The following GRHL1 variants were observed in gnomAD, a reference collection of about 807,000 sequenced individuals.
The protein encoded by GRHL1 is grainyhead-like protein 1 homolog.
GRHL1 carries 38 observed loss-of-function variants against 75.7 expected under a neutral mutation model. That is an observed-to-expected ratio of 0.50 (90% CI 0.39 to 0.66). The LOEUF (loss-of-function observed/expected upper bound fraction) is 0.66, where lower values mean the gene tolerates loss of function less well. GRHL1 is among the 30% of genes least tolerant of loss of function. The pLI, the probability that GRHL1 is intolerant of heterozygous loss-of-function variation, is 0.00. For missense variants in GRHL1, 589 were observed against 767.5 expected (o/e 0.77, Z 2.75); for synonymous variants, 266 against 279.4 (o/e 0.95, Z 0.48).
chr2:9,999,198 C>T (rs1669159418), intron 15 of GRHL1, among the ~76,000 whole-genome samples, 169 bp downstream of exon 15: 2 of 152,258 alleles, frequency 1.3e-5, no homozygotes, highest in African/African-American at 4.8e-5. Flanking sequence ...CAGTGTGACA[C>T]GTGTGCATCG....
At chr2:9,999,118 C>G in intron 15 of GRHL1, 89 bp downstream of exon 15, 1 of 473,582 alleles carries the variant, frequency 2.1e-6, no homozygotes, top group Non-Finnish European at 3.8e-6. Flanking sequence ...CTGTTGACAC[C>G]CCCCAGCACC....
In GRHL1 at chr2:9,963,990, T is replaced by A; in HGVS notation, c.851T>A (p.Leu284Ter). 6.2e-7 allele frequency: 1 copy of A among 1,612,526 alleles called. No homozygotes were observed. Among genetic ancestry groups the A allele is most frequent in the Non-Finnish European group, 8.5e-7 (1 of 1,178,608 alleles). ...LNKGQFYPIT[L>*]KEVSSSEGIH... ...AAAGGCCAGTTCTATCCCATCACCT[T>A]GAAGGAGGTGAGCAGCAGTGAAGGA... is the stretch of plus-strand genomic sequence containing the variant. The change falls in exon 6 of 16, where the codon TTG (leucine) becomes TAG (stop). Residue 284 changes from leucine to a stop codon, truncating the protein, a stop_gained. Coordinates refer to ENST00000324907, the MANE Select transcript of GRHL1 (RefSeq NM_198182.3). LOFTEE classifies it high-confidence loss of function.
chr2:9,954,313 C>A (rs3828260), intron 1 of GRHL1, among the ~76,000 whole-genome samples: 18,869 of 152,116 alleles, frequency 0.12, 1,762 homozygotes, highest in Admixed American at 0.26. Context: ...GATTTACAGT[C>A]CCCTTTGGCC....
At chr2:9,999,729 G>C (rs1230102041) in intron 15 of GRHL1, among the ~76,000 whole-genome samples, 1 of 152,234 alleles carries the variant, frequency 6.6e-6, no homozygotes, top group Non-Finnish European at 1.5e-5. Flanking sequence ...GTTTGGCATG[G>C]ATAAGCAGTG....
In GRHL1 at chr2:9,992,528, T is replaced by C. The variant is rs1309844382; in HGVS notation, c.1461+382T>C. Among the ~76,000 whole-genome samples, 2 of 152,196 alleles carry C rather than the reference T, an allele frequency of 1.3e-5. No homozygotes were observed. The highest frequency in any genetic ancestry group is 6.5e-5 in the Admixed American group (1 of 15,278). ...AAGGAGCTCTTATAACATAAGAACA[T>C]CCGAAGGCTTTTCTCACAGTTCCAG... is the stretch of plus-strand genomic sequence containing the variant. On this transcript the variant is annotated intron_variant, in intron 11 of 15. Coordinates refer to ENST00000324907, the MANE Select transcript of GRHL1 (RefSeq NM_198182.3). The surrounding 1 kb of genome is among the most constrained non-coding windows in gnomAD (Gnocchi z 4.6).
At chr2:9,980,704 A>G (rs1668161341) in intron 8 of GRHL1, among the ~76,000 whole-genome samples, 1 of 152,230 alleles carries the variant, frequency 6.6e-6, no homozygotes, top group South Asian at 2.1e-4. Context: ...AGAAAAGGTC[A>G]TCTTTTGAAT....
Position 9,992,916 on chromosome 2 carries a change from AGTGCT to A in GRHL1, c.1462-289_1462-285del, listed in dbSNP as rs918628441. Among the ~76,000 whole-genome samples the A allele has an allele frequency of 1.3e-5, 2 of 152,204 alleles. No individual in the cohort carries two copies. Among genetic ancestry groups the A allele is most frequent in the African/African-American group, 2.4e-5 (1 of 41,458 alleles). On this transcript the variant is annotated intron_variant, in intron 11 of 15. Coordinates refer to ENST00000324907, the MANE Select transcript of GRHL1 (RefSeq NM_198182.3). This position sits in a 1 kb window ranked among gnomAD's most constrained non-coding sequence, Gnocchi z 4.6. The stretch of plus-strand genomic sequence containing the variant: ...CCCCGTGGTCTCCACTGTGCTGCTC[AGTGCT>A]GCCGAACTAGTGCACACATGGCCAT...
intron 8 of GRHL1, among the ~76,000 whole-genome samples, chr2:9,985,048 A>G (rs1186688314): frequency 6.7e-6 from 1 of 150,100 alleles, no homozygotes; most frequent in Admixed American, 6.6e-5. Flanking sequence ...AGCCTGGGTG[A>G]CAGAGCCAGA....
At chr2:9,975,130 C>G (rs3791763) in intron 8 of GRHL1, among the ~76,000 whole-genome samples, 28,499 of 152,198 alleles carry the variant, frequency 0.19, 2,738 homozygotes, top group Middle Eastern at 0.2. Flanking sequence ...CCTTCTAAGG[C>G]CTGTGTAGTA....
chr2:9,986,869 G>A (rs1668441734), intron 9 of GRHL1, among the ~76,000 whole-genome samples: 1 of 152,100 alleles, frequency 6.6e-6, no homozygotes, highest in South Asian at 2.1e-4. Context: ...ATCACACCCA[G>A]CTAATTTTTA....
intron 5 of GRHL1, among the ~76,000 whole-genome samples, chr2:9,962,927 A>G (rs1667335928): frequency 6.6e-6 from 1 of 152,110 alleles, no homozygotes; most frequent in African/African-American, 2.4e-5. Flanking sequence ...CAGCCTCACT[A>G]ATGATAAAAT....
rs773237515 is a variant in GRHL1 at position 9,995,955 on chromosome 2, G to C, written c.1576G>C (p.Glu526Gln). 4 of 1,603,858 alleles carry C rather than the reference G, an allele frequency of 2.5e-6. No homozygotes were observed. The highest frequency in any genetic ancestry group is 3.4e-6 in the Non-Finnish European group (4 of 1,170,528). Residue 526 changes from glutamate (E) to glutamine (Q), a missense_variant, in exon 13 of 16, where the codon GAA becomes CAA. This residue lies in a region of GRHL1 where 192 missense variants were observed against 226.6 expected (regional missense o/e 0.85). Coordinates refer to ENST00000324907, the MANE Select transcript of GRHL1 (RefSeq NM_198182.3). ...TCCTTCTACCAAGCTGGCCCGGATA[G>C]AAGAACCAAAGAGAGGTGTGTTCGT... ...VPPSTKLARI[E>Q]EPKRVLLYVR...
At chr2:9,962,373 C>G (rs1667315176) in intron 4 of GRHL1, 82 bp from the exon 5 acceptor site, 2 of 800,800 alleles carry the variant, frequency 2.5e-6, no homozygotes, top group Non-Finnish European at 4.4e-6. Context: ...AAGCCACATA[C>G]TTTTATGCGG....
At chr2:9,988,333 T>C (rs1312680977) in intron 9 of GRHL1, among the ~76,000 whole-genome samples, 4 of 149,432 alleles carry the variant, frequency 2.7e-5, no homozygotes, top group African/African-American at 7.7e-5. Context: ...ACAAGTTTTC[T>C]CACATTACTT....
intron 14 of GRHL1, among the ~76,000 whole-genome samples, chr2:9,997,968 A>G (rs910778600): frequency 3.3e-5 from 5 of 152,232 alleles, no homozygotes; most frequent in Non-Finnish European, 7.3e-5. Context: ...TACATGTCAG[A>G]ACACAAAGTA....
At chr2:9,989,995 G>A (rs1668574647) in intron 9 of GRHL1, among the ~76,000 whole-genome samples, 1 of 152,084 alleles carries the variant, frequency 6.6e-6, no homozygotes, top group African/African-American at 2.4e-5. Context: ...ATATAGGAGA[G>A]TATACTCAAG....
At chr2:9,995,592 A>C (rs541071318) in intron 12 of GRHL1, among the ~76,000 whole-genome samples, 7 of 144,988 alleles carry the variant, frequency 4.8e-5, no homozygotes, top group African/African-American at 1.6e-4. Context: ...CTCACAAAAA[A>C]AAAAAAAAAC....
chr2:9,980,835 A>G (rs904555030), intron 8 of GRHL1, among the ~76,000 whole-genome samples: 6 of 152,208 alleles, frequency 3.9e-5, no homozygotes, highest in African/African-American at 1.4e-4. Flanking sequence ...TGTATGTTTT[A>G]TAGAGGAGGA....
chr2:9,980,772 C>G (rs942908318), intron 8 of GRHL1, among the ~76,000 whole-genome samples: 1 of 152,246 alleles, frequency 6.6e-6, no homozygotes, highest in African/African-American at 2.4e-5. Flanking sequence ...GGTTGTAAAT[C>G]ATTCAGCCTA....
Sources: gnomAD v4.1 joint callset for allele counts (sites outside exome capture counted in the v4.1 genomes callset) on GRCh38, gnomAD v4.1.1 for gene constraint, gnomAD v4.1.1 regional missense constraint, Gnocchi (gnomAD v3.1) non-coding constraint, MANE v1.5 for transcripts, NCBI Gene and HGNC (gene_info 2026-07-23, HGNC 2026-07-21) for gene names.